The following DPYD variants were observed in gnomAD, a reference collection of about 807,000 sequenced individuals.
DPYD encodes the protein dihydropyrimidine dehydrogenase.
In DPYD, 109 loss-of-function variants were observed where a neutral mutation model predicts 116.2. The ratio of observed to expected loss-of-function variants is 0.94; its 90% CI spans 0.80 to 1.10. The LOEUF (loss-of-function observed/expected upper bound fraction) is 1.10. DPYD is among the 50% of genes least tolerant of loss of function. The pLI is 0.00. For synonymous variants in DPYD, 440 were observed against 432.0 expected, an observed-to-expected ratio of 1.02 and a Z score of -0.23; for missense variants, 1,302 against 1,254.5, an observed-to-expected ratio of 1.04 and a Z score of -0.57.
chr1:97,594,812 G>C (rs1303196990), intron 9 of DPYD, among the ~76,000 whole-genome samples: 1 of 151,966 alleles, frequency 6.6e-6, no homozygotes, highest in Non-Finnish European at 1.5e-5. Flanking sequence ...AATTTTTCAT[G>C]ATGTAGTTTA....
At chr1:97,525,781 A>AGAGAGAGAGG (rs1649013493) in intron 12 of DPYD, among the ~76,000 whole-genome samples, 1 of 149,808 alleles carries the variant, frequency 6.7e-6, no homozygotes, top group Non-Finnish European at 1.5e-5. Flanking sequence ...AGAGAGAGAG[A>AGAGAGAGAGG]GAGAGAGAGT....
At chr1:97,531,956 T>C (rs190855321) in intron 12 of DPYD, among the ~76,000 whole-genome samples, 1 of 152,266 alleles carries the variant, frequency 6.6e-6, no homozygotes, top group East Asian at 1.9e-4. Flanking sequence ...GCTTTTTGTA[T>C]GTTGATTTGA....
intron 3 of DPYD, among the ~76,000 whole-genome samples, chr1:97,767,597 T>G (rs1386834925): frequency 1.3e-5 from 2 of 152,016 alleles, no homozygotes; most frequent in Non-Finnish European, 2.9e-5. Flanking sequence ...TGGAGCCAAA[T>G]CTACCAGACT....
At chr1:97,780,924 A>C (rs1666706893) in intron 3 of DPYD, among the ~76,000 whole-genome samples, 1 of 152,120 alleles carries the variant, frequency 6.6e-6, no homozygotes, top group Non-Finnish European at 1.5e-5. Flanking sequence ...AGGTAAAGAC[A>C]ATGAAAATAT....
intron 14 of DPYD, among the ~76,000 whole-genome samples, chr1:97,430,384 A>T (rs1400954857): frequency 1.3e-5 from 2 of 152,188 alleles, no homozygotes; most frequent in Non-Finnish European, 2.9e-5. Flanking sequence ...CGGGACATGG[A>T]TTCTAAATGA....
chr1:97,730,396 A>T (rs953103854), intron 4 of DPYD, among the ~76,000 whole-genome samples: 5 of 151,728 alleles, frequency 3.3e-5, no homozygotes, highest in African/African-American at 1.2e-4. Flanking sequence ...TAATTTTTGC[A>T]TTTTTTTAGT....
At chr1:97,734,444 G>A (rs149763632) in intron 4 of DPYD, among the ~76,000 whole-genome samples, 1 of 152,040 alleles carries the variant, frequency 6.6e-6, no homozygotes, top group Non-Finnish European at 1.5e-5. Flanking sequence ...TGTAGTATCA[G>A]TATCTGATAT....
intron 8 of DPYD, among the ~76,000 whole-genome samples, chr1:97,671,469 A>C (rs2100896561): frequency 6.6e-6 from 1 of 152,324 alleles, no homozygotes; most frequent in Non-Finnish European, 1.5e-5. Context: ...TGAGTCATTA[A>C]TCAGAACTAA....
At chr1:97,234,066 G>T (rs2100745606) in intron 19 of DPYD, among the ~76,000 whole-genome samples, 1 of 152,188 alleles carries the variant, frequency 6.6e-6, no homozygotes, top group Non-Finnish European at 1.5e-5. Context: ...TACCATCAAT[G>T]CTAAGTAGTG....
intron 18 of DPYD, chr1:97,296,124 G>C (rs952084191): frequency 6.6e-6 from 1 of 151,952 alleles, no homozygotes; most frequent in Non-Finnish European, 1.5e-5. Flanking sequence ...CATATACATA[G>C]AATATAAAAA....
At chr1:97,712,995 T>C (rs1224594686) in intron 5 of DPYD, among the ~76,000 whole-genome samples, 3 of 152,086 alleles carry the variant, frequency 2.0e-5, no homozygotes, top group Non-Finnish European at 4.4e-5. Context: ...CTAGTCCCCA[T>C]GTTTTTATAC....
At chr1:97,407,666 A>C (rs1053556694) in intron 14 of DPYD, among the ~76,000 whole-genome samples, 33 of 152,138 alleles carry the variant, frequency 2.2e-4, no homozygotes, top group African/African-American at 8.0e-4. Flanking sequence ...TATGCTCTGA[A>C]TCAGCATCCA....
intron 14 of DPYD, among the ~76,000 whole-genome samples, chr1:97,396,707 C>A (rs569761242): frequency 6.6e-6 from 1 of 152,084 alleles, no homozygotes; most frequent in East Asian, 2.0e-4. Context: ...TCAAACTGAA[C>A]CTCTTATATA....
chr1:97,195,225 T>A (rs1170128333), intron 19 of DPYD, among the ~76,000 whole-genome samples: 2 of 152,110 alleles, frequency 1.3e-5, no homozygotes, highest in African/African-American at 2.4e-5. Context: ...AAAACTCATT[T>A]CTATCCTGTT....
intron 8 of DPYD, among the ~76,000 whole-genome samples, chr1:97,632,772 G>T (rs986311050): frequency 7.9e-5 from 12 of 152,000 alleles, no homozygotes; most frequent in African/African-American, 2.4e-4. Flanking sequence ...TATATTTACA[G>T]GTGTCACTAC....
intron 18 of DPYD, among the ~76,000 whole-genome samples, chr1:97,249,134 T>C (rs909669492): frequency 1.3e-5 from 2 of 152,156 alleles, no homozygotes; most frequent in African/African-American, 4.8e-5. Context: ...AGGATGTAGA[T>C]TAGCAAAAAC....
chr1:97,164,723 G>A (rs920972423), intron 20 of DPYD, among the ~76,000 whole-genome samples: 12 of 152,082 alleles, frequency 7.9e-5, no homozygotes, highest in Non-Finnish European at 1.5e-4. Flanking sequence ...AACCATGGAC[G>A]TGAAAGATCG....
At chr1:97,683,013 T>C (rs1660509593) in intron 7 of DPYD, among the ~76,000 whole-genome samples, 1 of 152,026 alleles carries the variant, frequency 6.6e-6, no homozygotes, top group South Asian at 2.1e-4. Flanking sequence ...TTCATATACA[T>C]AGTAACATTT....
intron 2 of DPYD, among the ~76,000 whole-genome samples, chr1:97,875,332 T>C (rs1671855629): frequency 6.6e-6 from 1 of 151,962 alleles, no homozygotes; most frequent in African/African-American, 2.4e-5. Flanking sequence ...ATCATCTGGA[T>C]ACAGACAGGA....
Sources: gnomAD v4.1 joint callset for allele counts (sites outside exome capture counted in the v4.1 genomes callset) on GRCh38, gnomAD v4.1.1 for gene constraint, MANE v1.5 for transcripts, NCBI Gene and HGNC (gene_info 2026-07-23, HGNC 2026-07-21) for gene names.